The following PEPD variants were observed in gnomAD, a reference collection of about 807,000 sequenced individuals.
PEPD encodes xaa-Pro dipeptidase.
PEPD carries 53 observed loss-of-function variants against 60.7 expected under a neutral mutation model. That is an observed-to-expected ratio of 0.87 (90% CI 0.70 to 1.10). The LOEUF (loss-of-function observed/expected upper bound fraction) is 1.10, where lower values mean the gene tolerates loss of function less well. Ranked by LOEUF, PEPD falls within the 50% of genes least tolerant of loss-of-function variation. The pLI, the probability that PEPD is intolerant of heterozygous loss-of-function variation, is 0.00. For missense variants in PEPD, 711 were observed against 711.9 expected, an observed-to-expected ratio of 1.00 and a Z score of 0.01; for synonymous variants, 267 against 284.1, an observed-to-expected ratio of 0.94 and a Z score of 0.60.
At chr19:33,407,768 A>G (rs1968665191) in intron 11 of PEPD, among the ~76,000 whole-genome samples, 1 of 152,176 alleles carries the variant, frequency 6.6e-6, no homozygotes, top group Non-Finnish European at 1.5e-5. Flanking sequence ...TCTGAGAACA[A>G]CAGCAAAACC....
At chr19:33,473,170 G>A (rs557338731) in intron 7 of PEPD, among the ~76,000 whole-genome samples, 4 of 152,100 alleles carry the variant, frequency 2.6e-5, no homozygotes, top group Non-Finnish European at 4.4e-5. Context: ...CTCCTGGCGC[G>A]CAGTGACTCA....
intron 9 of PEPD, among the ~76,000 whole-genome samples, chr19:33,456,282 A>T (rs1969798416): frequency 1.3e-5 from 2 of 152,058 alleles, no homozygotes. Context: ...GGACGGGCAC[A>T]CAGGACCTGC....
chr19:33,507,213 G>C (rs917184070), intron 3 of PEPD, among the ~76,000 whole-genome samples: 2 of 152,106 alleles, frequency 1.3e-5, no homozygotes, highest in African/African-American at 4.8e-5. Flanking sequence ...AGGGTCCCCC[G>C]ACCTGGTCAA....
intron 9 of PEPD, among the ~76,000 whole-genome samples, chr19:33,435,388 C>A (rs894736778): frequency 6.6e-6 from 1 of 152,198 alleles, no homozygotes; most frequent in East Asian, 1.9e-4. Flanking sequence ...GCTGGAGGCC[C>A]GGCTGAGGCC....
At chr19:33,407,388 C>T (rs1012013282) in intron 11 of PEPD, among the ~76,000 whole-genome samples, 4 of 152,210 alleles carry the variant, frequency 2.6e-5, no homozygotes, top group African/African-American at 9.7e-5. Context: ...GCTCTGGTGC[C>T]CACAGCCCAG....
intron 9 of PEPD, among the ~76,000 whole-genome samples, chr19:33,446,843 C>T (rs1049106031): frequency 2.0e-5 from 3 of 152,210 alleles, no homozygotes; most frequent in African/African-American, 4.8e-5. Flanking sequence ...CCAGTCTATG[C>T]GCCAGTCTCC....
chr19:33,505,353 C>T (rs1425577072), intron 3 of PEPD, among the ~76,000 whole-genome samples: 2 of 152,230 alleles, frequency 1.3e-5, no homozygotes, highest in South Asian at 4.2e-4. Flanking sequence ...GCCACAGTGA[C>T]GCAGGTGCCT....
At position 33,487,379 on chromosome 19, in the gene PEPD, C is replaced by T. The variant is rs150287925; in HGVS notation, c.503+2617G>A. 5.0e-3 allele frequency: 767 copies of T among 152,462 alleles called. 2 individuals are homozygous for T. Among genetic ancestry groups the T allele is most frequent in the Non-Finnish European group, 8.1e-3 (553 of 68,162 alleles). 9.4% of individuals were successfully genotyped at this position (152,462 alleles called of 1,614,324 possible). On this transcript the variant is annotated intron_variant, in intron 6 of 14. Coordinates refer to ENST00000244137, the MANE Select transcript of PEPD (RefSeq NM_000285.4). ...GGGGCACCAGCCAGAGCTCCTGCCT[C>T]AGTGAAACAGCCCTGGTGGCAGTGA...
intron 4 of PEPD, among the ~76,000 whole-genome samples, chr19:33,499,598 A>G (rs1465339048): frequency 6.6e-6 from 1 of 152,240 alleles, no homozygotes; most frequent in Non-Finnish European, 1.5e-5. Context: ...GGTGCACATC[A>G]GAACACAGTC....
At chr19:33,489,828 A>G (rs1970464136) in intron 6 of PEPD, among the ~76,000 whole-genome samples, 168 bp downstream of exon 6, 1 of 152,122 alleles carries the variant, frequency 6.6e-6, no homozygotes, top group African/African-American at 2.4e-5. Flanking sequence ...AAGAAAAATC[A>G]AGGTGATTTT....
At chr19:33,397,704 C>A (rs879534806) in intron 12 of PEPD, among the ~76,000 whole-genome samples, 4 of 146,494 alleles carry the variant, frequency 2.7e-5, no homozygotes, top group African/African-American at 1.0e-4. Flanking sequence ...TGGGTGGGAG[C>A]GGGGCTGGGG....
intron 11 of PEPD, among the ~76,000 whole-genome samples, chr19:33,402,255 C>T (rs1481111332): frequency 6.6e-6 from 1 of 152,168 alleles, no homozygotes; most frequent in Non-Finnish European, 1.5e-5. Flanking sequence ...GGACCCCGCC[C>T]GCTGCCTGGC....
At chr19:33,437,418 G>C (rs1249528214) in intron 9 of PEPD, among the ~76,000 whole-genome samples, 6 of 151,666 alleles carry the variant, frequency 4.0e-5, no homozygotes, top group Non-Finnish European at 7.4e-5. Flanking sequence ...ACGAGATGCA[G>C]GGGTTCAGAT....
At chr19:33,446,214 C>T (rs1295510577) in intron 9 of PEPD, among the ~76,000 whole-genome samples, 3 of 152,276 alleles carry the variant, frequency 2.0e-5, no homozygotes, top group East Asian at 1.9e-4. Flanking sequence ...CCACCCATCA[C>T]GGCAGCCGCC....
chr19:33,404,740 C>T (rs1031383292), intron 11 of PEPD, among the ~76,000 whole-genome samples: 1 of 152,176 alleles, frequency 6.6e-6, no homozygotes, highest in South Asian at 2.1e-4. Context: ...CAGCCAGCTC[C>T]ATCCTGCCCA....
At chr19:33,503,621 C>T (rs1292965390) in intron 3 of PEPD, among the ~76,000 whole-genome samples, 2 of 152,152 alleles carry the variant, frequency 1.3e-5, no homozygotes, top group East Asian at 3.9e-4. Context: ...CACAGCCCGG[C>T]ACAAAAGCAG....
At chr19:33,476,787 C>T (rs1970224236) in intron 7 of PEPD, among the ~76,000 whole-genome samples, 1 of 152,124 alleles carries the variant, frequency 6.6e-6, no homozygotes, top group African/African-American at 2.4e-5. Flanking sequence ...CCTCAGTCTC[C>T]CTAAGAGCTG....
At chr19:33,443,966 A>G (rs1969539831) in intron 9 of PEPD, among the ~76,000 whole-genome samples, 4 of 151,830 alleles carry the variant, frequency 2.6e-5, no homozygotes, top group Non-Finnish European at 1.5e-5. Flanking sequence ...ATACAAGTGC[A>G]CGCGCGTGCG....
chr19:33,495,288 G>A (rs1035749001), intron 4 of PEPD, among the ~76,000 whole-genome samples: 14 of 150,298 alleles, frequency 9.3e-5, no homozygotes, highest in Admixed American at 8.6e-4. Context: ...CAGGTGGATC[G>A]CGAGGTCAGG....
Sources: gnomAD v4.1 joint callset for allele counts (sites outside exome capture counted in the v4.1 genomes callset) on GRCh38, gnomAD v4.1.1 for gene constraint, MANE v1.5 for transcripts, NCBI Gene and HGNC (gene_info 2026-07-23, HGNC 2026-07-21) for gene names.